The following TOP2B variants were observed in gnomAD, a reference collection of about 807,000 sequenced individuals.
TOP2B encodes the protein DNA topoisomerase 2-beta.
TOP2B carries 51 observed loss-of-function variants against 193.5 expected under a neutral mutation model. That is an observed-to-expected ratio of 0.26 (90% confidence interval 0.21 to 0.33). TOP2B has a LOEUF of 0.33. TOP2B is among the 10% of genes least tolerant of loss of function. TOP2B has a pLI of 1.00. For synonymous variants in TOP2B, 634 were observed against 635.7 expected (o/e 1.00, Z 0.04); for missense variants, 1,378 against 1,909.3 (o/e 0.72, Z 5.19).
rs535086580 is a variant in TOP2B at position 25,654,185 on chromosome 3, C to A, written c.70-8715G>T. Among the ~76,000 whole-genome samples, 8 of 152,196 alleles carry A rather than the reference C, an allele frequency of 5.3e-5. No individual in the cohort carries two copies. The East Asian group carries it at 1.5e-3, about 29-fold the overall frequency. The stretch of plus-strand genomic sequence containing the variant: ...GAATTATGCTCACAAATGGCATAAT[C>A]TTATAGTAGATAACCCAAAAGATTC... On this transcript the variant is annotated intron_variant, in intron 1 of 35. Transcript: ENST00000264331.
chr3:25,622,655 T>C (rs1702688569), intron 21 of TOP2B, among the ~76,000 whole-genome samples: 1 of 151,540 alleles, frequency 6.6e-6, no homozygotes, highest in Non-Finnish European at 1.5e-5. Flanking sequence ...TTTTTTTTTT[T>C]TGGGAGACGG....
At chr3:25,638,139 C>T (rs1703154585) in intron 5 of TOP2B, 26 bp downstream of exon 5, 2 of 1,543,972 alleles carry the variant, frequency 1.3e-6, no homozygotes, top group Non-Finnish European at 1.8e-6. Context: ...CAGTATTTTT[C>T]AACCAAAATT....
At chr3:25,639,013 G>C (rs1703183411) in intron 4 of TOP2B, among the ~76,000 whole-genome samples, 1 of 152,100 alleles carries the variant, frequency 6.6e-6, no homozygotes, top group African/African-American at 2.4e-5. Context: ...TTGGCAAGAG[G>C]TTAAATAAAT....
chr3:25,612,507 T>C lies in TOP2B; in HGVS notation c.3786+8A>G, dbSNP rs41285073. ...ATGAGTCTATCAATGACAAGAGGTA[T>C]GTCATACCTTCTTCTTCTTCAGCAA... On this transcript the variant is annotated splice_region_variant and intron_variant, in intron 28 of 35. Coordinates refer to ENST00000264331, the MANE Select transcript of TOP2B (RefSeq NM_001330700.2). 36,765 of 1,594,496 alleles carry C rather than the reference T, an allele frequency of 0.023. 503 individuals carry two copies. Among genetic ancestry groups the C allele is most frequent in the Non-Finnish European group, 0.027 (31,092 of 1,170,148 alleles).
At chr3:25,619,738 GAA>G (rs375797612) in intron 23 of TOP2B, 122 bp downstream of exon 23, 21,495 of 501,066 alleles carry the variant, frequency 0.043, 8 homozygotes, top group Middle Eastern at 0.052. Flanking sequence ...TGCAGGATGG[GAA>G]AAAAAAAAAA....
chr3:25,613,344 T>C (rs114803984), intron 27 of TOP2B, among the ~76,000 whole-genome samples: 2,732 of 152,286 alleles, frequency 0.018, 38 homozygotes, highest in Middle Eastern at 0.048. Context: ...AAAAGATCTT[T>C]GTAGCACAAC....
chr3:25,610,855 C>A (rs1412251401), intron 28 of TOP2B, among the ~76,000 whole-genome samples: 1 of 152,056 alleles, frequency 6.6e-6, no homozygotes, highest in Non-Finnish European at 1.5e-5. Context: ...AGAGAAAACA[C>A]AAAATTCTAA....
intron 6 of TOP2B, among the ~76,000 whole-genome samples, chr3:25,636,615 TA>T (rs1703113233): frequency 6.6e-6 from 1 of 152,020 alleles, no homozygotes; most frequent in South Asian, 2.1e-4. Context: ...ACTGTGATAA[TA>T]ATCTCATGTT....
chr3:25,619,855 A>C lies in TOP2B; in HGVS notation c.3063+7T>G. 5.1e-6 allele frequency: 8 copies of C among 1,575,050 alleles called. No homozygotes were observed. The highest frequency in any genetic ancestry group is 5.2e-6 in the Non-Finnish European group (6 of 1,145,438). On this transcript the variant is annotated splice_region_variant and intron_variant, in intron 23 of 35. Coordinates refer to ENST00000264331, the MANE Select transcript of TOP2B (RefSeq NM_001330700.2). ...AGATTAAATTAACAGTAAATCTAAT[A>C]AATTACCATGGAATTACAAGTAAGA...
intron 23 of TOP2B, among the ~76,000 whole-genome samples, chr3:25,619,380 C>A (rs1229014930): frequency 6.6e-6 from 1 of 151,960 alleles, no homozygotes; most frequent in Non-Finnish European, 1.5e-5. Flanking sequence ...CACTGTACTA[C>A]TGCTGAACTT....
intron 7 of TOP2B, among the ~76,000 whole-genome samples, chr3:25,634,583 C>T (rs1481699173): frequency 6.6e-6 from 1 of 151,908 alleles, no homozygotes; most frequent in East Asian, 1.9e-4. Flanking sequence ...AGTTTGAATG[C>T]ATAAAGCTTC....
chr3:25,619,755 AAAT>A, intron 23 of TOP2B, 104 bp downstream of exon 23: 1 of 739,322 alleles, frequency 1.4e-6, no homozygotes, highest in South Asian at 1.9e-5. Flanking sequence ...AAAAAAAAAA[AAAT>A]GCCTTCAGGC....
At chr3:25,598,505 G>T (rs745600700) in intron 35 of TOP2B, 28 bp from the exon 36 acceptor site, 2 of 1,525,188 alleles carry the variant, frequency 1.3e-6, no homozygotes, top group Non-Finnish European at 1.8e-6. Flanking sequence ...AGATTTAAAA[G>T]TTATGAAAGG....
chr3:25,618,268 T>C (rs1702564017), intron 25 of TOP2B, 150 bp downstream of exon 25: 1 of 620,022 alleles, frequency 1.6e-6, no homozygotes, highest in East Asian at 2.7e-5. Context: ...ACTTTATCTG[T>C]TCTGTGGATA....
chr3:25,612,982 T>C (rs907641393), intron 27 of TOP2B, among the ~76,000 whole-genome samples: 1 of 152,218 alleles, frequency 6.6e-6, no homozygotes, highest in African/African-American at 2.4e-5. Flanking sequence ...TGCCAATTCT[T>C]GGATCCCGTG....
rs910025712 is a variant in TOP2B, at chr3:25,664,547, G to A, written c.-250C>T. On this transcript the variant is annotated 5_prime_UTR_variant, in exon 1 of 36. Coordinates refer to ENST00000264331, the MANE Select transcript of TOP2B (RefSeq NM_001330700.2). ...GCCCGGGCCTAGCGCGGCGGCTGAG[G>A]AGAAAGCAGGGAGCGACCGGCGGCG... The A allele has an allele frequency of 2.7e-6, 3 of 1,116,420 alleles. No individual in the cohort carries two copies. The African/African-American group carries it at 5.0e-5, about 18-fold the overall frequency. The allele number at this position is 1,116,420 out of a possible 1,614,324, so 69.2% of individuals were successfully genotyped here.
chr3:25,630,228 T>G, intron 12 of TOP2B, 74 bp from the exon 13 acceptor site: 1 of 1,518,588 alleles, frequency 6.6e-7, no homozygotes, highest in Non-Finnish European at 8.8e-7. Flanking sequence ...CATTTAAAAA[T>G]TCGAGAAGTT....
In TOP2B at chr3:25,629,115, G is replaced by A. The variant is rs2125376096; in HGVS notation, c.1720C>T (p.Leu574Phe). 1 of 1,601,036 alleles carries A rather than the reference G, an allele frequency of 6.2e-7. No individual in the cohort carries two copies. The highest frequency in any genetic ancestry group is 1.3e-5 in the African/African-American group (1 of 74,506). The change falls in exon 14 of 36, where the codon CTT (leucine) becomes TTT (phenylalanine). Residue 574 changes from leucine (L) to phenylalanine (F), a missense_variant. Physicochemically the swap from Leu to Phe is conservative, Grantham distance 22 (BLOSUM62 0). Around this residue, in one of 9 missense-constraint regions of TOP2B, gnomAD observed 7 missense variants for 48.8 expected, o/e 0.14. Coordinates refer to ENST00000264331, the MANE Select transcript of TOP2B (RefSeq NM_001330700.2). The stretch of plus-strand genomic sequence containing the variant: ...CAATTGTGATGGATGAAATTAATAA[G>A]CAGGCCTTTTATGTGAGAACCATCT... ...DQDGSHIKGL[L>F]INFIHHNWPS...
chr3:25,601,425 C>A (rs1702091914), intron 33 of TOP2B, among the ~76,000 whole-genome samples, 200 bp from the exon 34 acceptor site: 1 of 152,138 alleles, frequency 6.6e-6, no homozygotes, highest in Non-Finnish European at 1.5e-5. Context: ...TCAAGACCAG[C>A]CTGGCCAATA....
Sources: gnomAD v4.1 joint callset for allele counts (sites outside exome capture counted in the v4.1 genomes callset) on GRCh38, gnomAD v4.1.1 for gene constraint, gnomAD v4.1.1 regional missense constraint, MANE v1.5 for transcripts, NCBI Gene and HGNC (gene_info 2026-07-23, HGNC 2026-07-21) for gene names.